BBS7: variants seen among roughly 807,000 people sequenced by gnomAD.
The protein encoded by BBS7 is Bardet-Biedl syndrome 7.
A neutral mutation model predicts 90.3 loss-of-function variants in BBS7; 50 were observed. The observed-to-expected ratio is 0.55, with a 90% CI of 0.44 to 0.70. The LOEUF (loss-of-function observed/expected upper bound fraction) is 0.70. Ranked by LOEUF, BBS7 falls within the 30% of genes least tolerant of loss-of-function variation. BBS7 has a pLI of 0.00. For missense variants in BBS7, 729 were observed against 838.9 expected, an observed-to-expected ratio of 0.87 and a Z score of 1.62; for synonymous variants, 235 against 287.4, an observed-to-expected ratio of 0.82 and a Z score of 1.85.
intron 15 of BBS7, among the ~76,000 whole-genome samples, chr4:121,831,940 A>AAGAGGC (rs1465535912): frequency 1.3e-5 from 2 of 151,856 alleles, no homozygotes; most frequent in Non-Finnish European, 2.9e-5. Context: ...AAAGAACCTT[A>AAGAGGC]AGAGGCAGAG....
At chr4:121,863,741 CCTT>C (rs1389974003) in intron 2 of BBS7, among the ~76,000 whole-genome samples, 1 of 151,836 alleles carries the variant, frequency 6.6e-6, no homozygotes, top group Non-Finnish European at 1.5e-5. Context: ...ATTTTAAACA[CCTT>C]TTTTAAAAGA....
chr4:121,865,841 C>A (rs1240648983), intron 2 of BBS7, among the ~76,000 whole-genome samples: 1 of 152,158 alleles, frequency 6.6e-6, no homozygotes, highest in Non-Finnish European at 1.5e-5. Flanking sequence ...AGAAGAGTTT[C>A]CTTTCTCCAC....
chr4:121,824,585 A>G lies in BBS7; in HGVS notation c.*1275T>C, dbSNP rs1358859235. On this transcript the variant is annotated 3_prime_UTR_variant, in exon 19 of 19. Transcript: ENST00000264499. This position sits in a 1 kb window ranked among gnomAD's most constrained non-coding sequence, Gnocchi z 4.1. ...AATAAATAGCAGTGCATTACAAAAT[A>G]TTCAAATACAGTCATTAATTTTTTT... The G allele has an allele frequency of 1.3e-5, 2 of 152,180 alleles. No individual in the cohort carries two copies. Among genetic ancestry groups the G allele is most frequent in the African/African-American group, 2.4e-5 (1 of 41,456 alleles). The allele number at this position is 152,180 out of a possible 1,614,324, so 9.4% of individuals were successfully genotyped here.
chr4:121,837,372 T>C (rs909655712), intron 13 of BBS7, among the ~76,000 whole-genome samples: 11 of 152,230 alleles, frequency 7.2e-5, no homozygotes, highest in Admixed American at 2.6e-4. Context: ...TTACCTATTA[T>C]CGGTTAGACA....
At chr4:121,846,922 C>T (rs1454511402) in intron 10 of BBS7, among the ~76,000 whole-genome samples, 7 of 152,104 alleles carry the variant, frequency 4.6e-5, no homozygotes, top group Admixed American at 3.9e-4. Context: ...TCACAGCACA[C>T]GTCAAATTGA....
chr4:121,847,569 G>T, intron 9 of BBS7, 63 bp from the exon 10 acceptor site: 2 of 1,152,790 alleles, frequency 1.7e-6, no homozygotes, highest in Non-Finnish European at 2.6e-6. Flanking sequence ...GATAAATTAT[G>T]CATTGTATAG....
chr4:121,837,069 C>T (rs1193540638), intron 13 of BBS7, among the ~76,000 whole-genome samples: 1 of 152,042 alleles, frequency 6.6e-6, no homozygotes, highest in African/African-American at 2.4e-5. Context: ...AAGCGATTAT[C>T]ATGCCTCGGC....
intron 15 of BBS7, among the ~76,000 whole-genome samples, chr4:121,832,419 G>A (rs1327139040): frequency 6.6e-6 from 1 of 152,176 alleles, no homozygotes; most frequent in Non-Finnish European, 1.5e-5. Context: ...CTTTGAAGAA[G>A]CAGGAGGATC....
At chr4:121,835,419 T>C in intron 13 of BBS7, 136 bp from the exon 14 acceptor site, 2 of 1,012,852 alleles carry the variant, frequency 2.0e-6, no homozygotes, top group South Asian at 1.5e-5. Context: ...GTTGGAAAGC[T>C]GTCCAGCTTC....
intron 3 of BBS7, among the ~76,000 whole-genome samples, chr4:121,862,731 G>A (rs1464957990): frequency 1.3e-5 from 2 of 152,156 alleles, no homozygotes. Context: ...AAATTGCAGA[G>A]ACCTCAAGGA....
intron 9 of BBS7, among the ~76,000 whole-genome samples, 179 bp downstream of exon 9, chr4:121,848,665 T>G (rs60702444): frequency 1.3e-5 from 2 of 152,174 alleles, no homozygotes; most frequent in East Asian, 1.9e-4. Context: ...ATAATATATA[T>G]AGAGTTCAGC....
rs184398909 is a variant in BBS7 at position 121,846,982 on chromosome 4, T to C, written c.1037+422A>G. ...GTCTAGGGGAGTCAAAATTACTCAG[T>C]TCCGGTTAAGAAAATTTACAAGCCA... On this transcript the variant is annotated intron_variant, in intron 10 of 18. Coordinates refer to ENST00000264499, the MANE Select transcript of BBS7 (RefSeq NM_176824.3). Among the ~76,000 whole-genome samples the C allele has an allele frequency of 3.9e-5, 6 of 152,240 alleles. No homozygotes were observed. The East Asian group carries it at 1.2e-3, about 29-fold the overall frequency.
At chr4:121,826,034 A>G in intron 18 of BBS7, 41 bp from the exon 19 acceptor site, 1 of 1,485,996 alleles carries the variant, frequency 6.7e-7, no homozygotes, top group Non-Finnish European at 9.3e-7. Flanking sequence ...GTGATTAGTT[A>G]TATTTAATGA....
intron 3 of BBS7, 73 bp from the exon 4 acceptor site, chr4:121,861,752 A>G: frequency 6.6e-7 from 1 of 1,510,034 alleles, no homozygotes; most frequent in Non-Finnish European, 9.1e-7. Flanking sequence ...ACAATAGAAA[A>G]TGTTATGATG....
chr4:121,845,574 A>T lies in BBS7; in HGVS notation c.1160T>A (p.Leu387Gln). The T allele has an allele frequency of 6.2e-7, 1 of 1,612,948 alleles. No individual in the cohort carries two copies. Among genetic ancestry groups the T allele is most frequent in the Non-Finnish European group, 8.5e-7 (1 of 1,179,274 alleles). ...GCTGTAACTGGCATCATCTTTATTT[A>T]GTGTAAATTTATCATTTATACCAAA... is the stretch of plus-strand genomic sequence containing the variant. ...PSFGINDKFTLNKDDASYSLI... is the reference protein window; with the variant it reads ...PSFGINDKFTQNKDDASYSLI... The change falls in exon 11 of 19, where the codon CTA becomes CAA. Residue 387 changes from leucine to glutamine, a missense_variant. Leu to Gln is a moderately radical substitution (Grantham distance 113). Transcript: ENST00000264499.
At chr4:121,843,455 TAGAACTGAC>T (rs1410591236) in intron 12 of BBS7, among the ~76,000 whole-genome samples, 1 of 151,996 alleles carries the variant, frequency 6.6e-6, no homozygotes, top group Non-Finnish European at 1.5e-5. Context: ...GCCATGGAGG[TAGAACTGAC>T]AGAAACTAGT....
chr4:121,851,570 A>G (rs1288967542), intron 8 of BBS7, among the ~76,000 whole-genome samples: 1 of 152,174 alleles, frequency 6.6e-6, no homozygotes, highest in Non-Finnish European at 1.5e-5. Flanking sequence ...GAAAACATGG[A>G]ACTAAACTTA....
At chr4:121,858,922 C>T (rs569672738) in intron 5 of BBS7, 70 bp downstream of exon 5, 1 of 1,434,924 alleles carries the variant, frequency 7.0e-7, no homozygotes, top group South Asian at 1.2e-5. Context: ...TAATTTATCT[C>T]AAGTACATAA....
intron 2 of BBS7, 69 bp downstream of exon 2, chr4:121,867,909 TAAA>T: frequency 7.8e-7 from 1 of 1,282,608 alleles, no homozygotes; most frequent in Non-Finnish European, 1.1e-6. Flanking sequence ...AACTTAATAA[TAAA>T]GAAGGAAATA....
Sources: allele counts gnomAD v4.1 joint callset (sites outside exome capture counted in the v4.1 genomes callset), GRCh38; gene constraint gnomAD v4.1.1; non-coding constraint Gnocchi (gnomAD v3.1); transcripts MANE v1.5; gene names NCBI Gene and HGNC (gene_info 2026-07-23, HGNC 2026-07-21).